BRINP1: variants seen among roughly 807,000 people sequenced by gnomAD.
BRINP1 encodes the protein BMP/retinoic acid-inducible neural-specific protein 1.
A neutral mutation model predicts 72.9 loss-of-function variants in BRINP1; 17 were observed. The ratio of observed to expected loss-of-function variants is 0.23; its 90% CI spans 0.16 to 0.35. The LOEUF (loss-of-function observed/expected upper bound fraction) is 0.35. Among genes scored for constraint, BRINP1 ranks in the 10% least tolerant of loss-of-function variants. The pLI, the probability that BRINP1 is intolerant of heterozygous loss-of-function variation, is 1.00. For synonymous variants in BRINP1, 418 were observed against 378.5 expected (o/e 1.10, Z -1.21); for missense variants, 850 against 1,001.6 (o/e 0.85, Z 2.04).
intron 2 of BRINP1, among the ~76,000 whole-genome samples, chr9:119,297,528 G>T (rs1400601820): frequency 6.6e-6 from 1 of 152,118 alleles, no homozygotes. Context: ...CTGTCACAAG[G>T]GTTGCACTCA....
At chr9:119,361,448 C>T (rs1831627569) in intron 1 of BRINP1, among the ~76,000 whole-genome samples, 1 of 152,130 alleles carries the variant, frequency 6.6e-6, no homozygotes, top group African/African-American at 2.4e-5. Flanking sequence ...ATCACTATCT[C>T]ACCACCACTC....
intron 1 of BRINP1, among the ~76,000 whole-genome samples, chr9:119,334,316 A>T (rs1040577953): frequency 3.3e-5 from 5 of 152,162 alleles, no homozygotes; most frequent in Non-Finnish European, 7.3e-5. Context: ...GGGGTACATT[A>T]CCTCATTCGG....
At chr9:119,178,603 G>GTGAC (rs1263688799) in intron 7 of BRINP1, among the ~76,000 whole-genome samples, 3 of 152,190 alleles carry the variant, frequency 2.0e-5, no homozygotes, top group Admixed American at 1.3e-4. Flanking sequence ...GAGAGCATCA[G>GTGAC]TGACTTACAA....
rs866373124 is a variant in BRINP1, at chr9:119,360,904, T to C, written c.-51+8152A>G. On this transcript the variant is annotated intron_variant, in intron 1 of 7. Transcript: ENST00000265922. ...CTGACCTTTGCAGTTTACACAAAAA[T>C]GGTTGCATGTTGCTTTTGTTAATTA... Among the ~76,000 whole-genome samples the C allele has an allele frequency of 2.0e-5, 3 of 152,326 alleles. No individual in the cohort carries two copies. In the Middle Eastern group the frequency reaches 0.01, roughly 518 times the overall value.
intron 5 of BRINP1, among the ~76,000 whole-genome samples, chr9:119,234,231 C>T (rs1830172984): frequency 6.6e-6 from 1 of 152,182 alleles, no homozygotes; most frequent in African/African-American, 2.4e-5. Flanking sequence ...ATTTGTGTTC[C>T]TATAAGCAAT....
chr9:119,314,138 G>T lies in BRINP1; in HGVS notation c.-50-733C>A, dbSNP rs1164879949. On this transcript the variant is annotated intron_variant, in intron 1 of 7. Transcript: ENST00000265922. ...ATGGCCAGAGAATTTGTCTTTTGGT[G>T]ACTCAGCCTCAAAGGTTGCCCAGGG... Among the ~76,000 whole-genome samples the T allele has an allele frequency of 2.0e-5, 3 of 152,170 alleles. No homozygotes were observed. In the East Asian group the frequency reaches 5.8e-4, roughly 29 times the overall value.
chr9:119,238,647 C>A lies in BRINP1; in HGVS notation c.685+8G>T. On this transcript the variant is annotated splice_region_variant and intron_variant, in intron 5 of 7. Transcript: ENST00000265922. ...CAACTGACCCCACTTTTTCCACTGG[C>A]TTCCTACCTTGAAGGTGCAGTTTGC... 6.3e-7 allele frequency: 1 copy of A among 1,588,196 alleles called. No homozygotes were observed. Among genetic ancestry groups the A allele is most frequent in the Non-Finnish European group, 8.6e-7 (1 of 1,163,400 alleles).
At chr9:119,170,932 G>T (rs1388017389) in intron 7 of BRINP1, among the ~76,000 whole-genome samples, 2 of 143,816 alleles carry the variant, frequency 1.4e-5, no homozygotes, top group Non-Finnish European at 3.0e-5. Context: ...AGCAAATGCT[G>T]AGAGATTTTG....
intron 7 of BRINP1, among the ~76,000 whole-genome samples, chr9:119,174,935 G>A: frequency 6.7e-6 from 1 of 149,626 alleles, no homozygotes; most frequent in South Asian, 2.1e-4. Flanking sequence ...CATGGACACA[G>A]GAAGGGGAAT....
At chr9:119,324,926 C>A (rs1831224509) in intron 1 of BRINP1, among the ~76,000 whole-genome samples, 1 of 152,036 alleles carries the variant, frequency 6.6e-6, no homozygotes, top group South Asian at 2.1e-4. Flanking sequence ...ATGGAGAAAC[C>A]CCATCTCTAC....
intron 2 of BRINP1, among the ~76,000 whole-genome samples, chr9:119,256,080 G>C (rs1830445707): frequency 6.6e-6 from 1 of 151,284 alleles, no homozygotes. Context: ...TGATTGAATT[G>C]GATCATCTTT....
chr9:119,293,143 G>GT (rs1307353512), intron 2 of BRINP1, among the ~76,000 whole-genome samples: 1 of 151,968 alleles, frequency 6.6e-6, no homozygotes, highest in Admixed American at 6.6e-5. Flanking sequence ...TGGTATAAAT[G>GT]ATCAGTAAAT....
chr9:119,220,274 C>A (rs77413466), intron 5 of BRINP1, among the ~76,000 whole-genome samples: 5,446 of 152,226 alleles, frequency 0.036, 298 homozygotes, highest in African/African-American at 0.12. Context: ...AGGGGACCCT[C>A]AAGTTGGATC....
At chr9:119,310,166 G>A (rs1831046288) in intron 2 of BRINP1, among the ~76,000 whole-genome samples, 1 of 152,156 alleles carries the variant, frequency 6.6e-6, no homozygotes, top group African/African-American at 2.4e-5. Context: ...AAGAACCAAA[G>A]GTTCAAAGAA....
At chr9:119,367,051 G>A (rs1006858880) in intron 1 of BRINP1, among the ~76,000 whole-genome samples, 2 of 151,692 alleles carry the variant, frequency 1.3e-5, no homozygotes, top group Admixed American at 6.6e-5. Flanking sequence ...ATTCTCTGTG[G>A]CTATGTGAAG....
intron 7 of BRINP1, among the ~76,000 whole-genome samples, chr9:119,175,868 T>C (rs982211822): frequency 5.3e-5 from 8 of 152,146 alleles, no homozygotes; most frequent in African/African-American, 1.7e-4. Context: ...TCACTCCAAT[T>C]TTCTCGCTTG....
At chr9:119,220,584 A>T (rs536753031) in intron 5 of BRINP1, among the ~76,000 whole-genome samples, 9 of 152,278 alleles carry the variant, frequency 5.9e-5, no homozygotes, top group Admixed American at 4.6e-4. Context: ...TCCTAAAGAA[A>T]CAGAGAGGTT....
chr9:119,302,551 A>T (rs1476519089), intron 2 of BRINP1, among the ~76,000 whole-genome samples: 1 of 152,188 alleles, frequency 6.6e-6, no homozygotes, highest in African/African-American at 2.4e-5. Context: ...TGAAATGAGA[A>T]AGTGTAGGAT....
chr9:119,239,736 G>A (rs1173641500), intron 4 of BRINP1, among the ~76,000 whole-genome samples: 2 of 152,120 alleles, frequency 1.3e-5, no homozygotes, highest in Non-Finnish European at 2.9e-5. Context: ...CCAAAATAGG[G>A]TCAAGAGATT....
Sources: allele counts gnomAD v4.1 joint callset (sites outside exome capture counted in the v4.1 genomes callset), GRCh38; gene constraint gnomAD v4.1.1; transcripts MANE v1.5; gene names NCBI Gene and HGNC (gene_info 2026-07-23, HGNC 2026-07-21).